Variants in DENND4C observed in about 807,000 individuals in gnomAD.
DENND4C encodes the protein DENN domain containing 4C, also known as DENN domain-containing protein 4C.
In DENND4C, 108 loss-of-function variants were observed where a neutral mutation model predicts 203.0. That is an observed-to-expected ratio of 0.53 (90% CI 0.46 to 0.62). The LOEUF is 0.62. Among genes scored for constraint, DENND4C ranks in the 20% least tolerant of loss-of-function variants. DENND4C has a pLI of 0.00. For synonymous variants in DENND4C, 871 were observed against 792.4 expected (o/e 1.10, Z -1.67); for missense variants, 2,481 against 2,301.2 (o/e 1.08, Z -1.60).
chr9:19,230,920 A>G (rs1820357362), intron 1 of DENND4C, 87 bp downstream of exon 1: 1 of 152,256 alleles, frequency 6.6e-6, no homozygotes, highest in African/African-American at 2.4e-5. Context: ...AGGGCGCGGG[A>G]CAGGTAGAGC....
chr9:19,365,638 A>G (rs1480164909), intron 30 of DENND4C, among the ~76,000 whole-genome samples: 2 of 150,252 alleles, frequency 1.3e-5, no homozygotes, highest in Non-Finnish European at 3.0e-5. Flanking sequence ...TTTTTTCTAT[A>G]TATATAATAT....
At chr9:19,243,832 G>T (rs1022944854) in intron 1 of DENND4C, among the ~76,000 whole-genome samples, 1 of 152,090 alleles carries the variant, frequency 6.6e-6, no homozygotes, top group Non-Finnish European at 1.5e-5. Context: ...TTGTTTTTGA[G>T]ACGAAGTCTA....
intron 7 of DENND4C, among the ~76,000 whole-genome samples, chr9:19,298,550 G>A (rs557443266): frequency 6.6e-6 from 1 of 152,204 alleles, no homozygotes; most frequent in East Asian, 1.9e-4. Context: ...AGTAGCAGAC[G>A]TAGGTAGGTG....
chr9:19,299,190 A>T, intron 7 of DENND4C, 39 bp from the exon 8 acceptor site: 1 of 1,476,804 alleles, frequency 6.8e-7, no homozygotes, highest in East Asian at 2.4e-5. Flanking sequence ...GGTTTGGTTA[A>T]TTTATCTTTG....
intron 1 of DENND4C, among the ~76,000 whole-genome samples, chr9:19,236,232 T>G (rs1234142183): frequency 6.6e-6 from 1 of 152,116 alleles, no homozygotes; most frequent in Admixed American, 6.6e-5. Context: ...GTCTAATAGG[T>G]TAAACAGCCC....
Position 19,372,108 on chromosome 9 carries a change from A to G in DENND4C, c.5812A>G (p.Ile1938Val). 3 of 1,614,104 alleles carry G rather than the reference A, an allele frequency of 1.9e-6. No individual in the cohort carries two copies. The highest frequency in any genetic ancestry group is 1.1e-5 in the South Asian group (1 of 91,082). Residue 1938 changes from isoleucine to valine, a missense_variant, in exon 33 of 33, where the codon ATT becomes GTT. By Grantham distance (29) the Ile-to-Val change is conservative. Around this residue, in one of 3 missense-constraint regions of DENND4C, gnomAD observed 2,289 missense variants for 2,113.3 expected, o/e 1.08. Transcript: ENST00000434457. ...AGAGATTCTTGAAAGGTTGCAGAAAATTGATGCTCCACCAAGTGCCAGTGT... is the reference window on the plus strand; with the variant it reads ...AGAGATTCTTGAAAGGTTGCAGAAAGTTGATGCTCCACCAAGTGCCAGTGT... ...SSEILERLQK[I>V]DAPPSASVEW...
intron 1 of DENND4C, among the ~76,000 whole-genome samples, chr9:19,233,283 C>T (rs1821039675): frequency 6.6e-6 from 1 of 152,024 alleles, no homozygotes; most frequent in Admixed American, 6.6e-5. Flanking sequence ...ATACTGGTGC[C>T]ATAGATTGTC....
At chr9:19,370,066 C>G (rs755391716) in intron 31 of DENND4C, 79 bp downstream of exon 31, 3 of 1,523,024 alleles carry the variant, frequency 2.0e-6, no homozygotes, top group Admixed American at 3.4e-5. Flanking sequence ...TTAAAAATAT[C>G]TCTAGTTGTC....
chr9:19,288,091 T>C (rs936186890), intron 3 of DENND4C, among the ~76,000 whole-genome samples: 1 of 152,244 alleles, frequency 6.6e-6, no homozygotes, highest in African/African-American at 2.4e-5. Flanking sequence ...CATAAATGTT[T>C]GATTCATAGT....
At chr9:19,294,367 G>A (rs1836988404) in intron 5 of DENND4C, among the ~76,000 whole-genome samples, 1 of 152,116 alleles carries the variant, frequency 6.6e-6, no homozygotes, top group Admixed American at 6.5e-5. Flanking sequence ...TGAAGACAGA[G>A]GAGTGTCAGC....
intron 21 of DENND4C, 23 bp from the exon 22 acceptor site, chr9:19,342,610 A>G (rs748900668): frequency 1.3e-6 from 2 of 1,573,406 alleles, no homozygotes; most frequent in Admixed American, 2.0e-5. Context: ...TAGGAATGAT[A>G]ACATCCAAAT....
intron 13 of DENND4C, 86 bp downstream of exon 13, chr9:19,324,593 AT>A: frequency 7.2e-7 from 1 of 1,387,822 alleles, no homozygotes; most frequent in Non-Finnish European, 9.9e-7. Context: ...GTCTAGAGTG[AT>A]ATAAGGAAAA....
At chr9:19,336,205 A>T in intron 18 of DENND4C, 65 bp from the exon 19 acceptor site, 2 of 1,434,462 alleles carry the variant, frequency 1.4e-6, no homozygotes, top group Non-Finnish European at 1.9e-6. Flanking sequence ...ACACACATAT[A>T]TGTATGTATT....
intron 17 of DENND4C, among the ~76,000 whole-genome samples, 193 bp downstream of exon 17, chr9:19,332,377 GAC>G (rs1301238867): frequency 6.6e-6 from 1 of 151,888 alleles, no homozygotes; most frequent in Admixed American, 6.6e-5. Context: ...TTGTTTTTGT[GAC>G]AGAGTCTCAC....
intron 1 of DENND4C, among the ~76,000 whole-genome samples, 172 bp downstream of exon 1, chr9:19,231,005 C>A (rs1216799670): frequency 1.3e-5 from 2 of 152,218 alleles, no homozygotes; most frequent in Non-Finnish European, 2.9e-5. Flanking sequence ...GGCTGGCGTT[C>A]GTGGCCTAGT....
intron 30 of DENND4C, among the ~76,000 whole-genome samples, chr9:19,364,749 G>C (rs185311914): frequency 2.0e-4 from 30 of 152,306 alleles, no homozygotes; most frequent in Non-Finnish European, 3.2e-4. Context: ...AAAAAAATTT[G>C]CCAGGTGTGG....
intron 1 of DENND4C, among the ~76,000 whole-genome samples, chr9:19,249,769 TG>T (rs1180024398): frequency 6.6e-6 from 1 of 152,160 alleles, no homozygotes; most frequent in African/African-American, 2.4e-5. Flanking sequence ...ACAATCCTCT[TG>T]CCTCAGCCTC....
At chr9:19,264,761 T>G (rs1423953346) in intron 1 of DENND4C, among the ~76,000 whole-genome samples, 1 of 152,156 alleles carries the variant, frequency 6.6e-6, no homozygotes, top group Non-Finnish European at 1.5e-5. Context: ...TTTTTTTCCT[T>G]TCATCTTTTG....
chr9:19,339,444 C>T (rs1427001625), intron 20 of DENND4C, among the ~76,000 whole-genome samples: 1 of 152,088 alleles, frequency 6.6e-6, no homozygotes, highest in Admixed American at 6.6e-5. Flanking sequence ...TGTTTCTTAA[C>T]TTAGGTTTGT....
Sources: allele counts gnomAD v4.1 joint callset (sites outside exome capture counted in the v4.1 genomes callset), GRCh38; gene constraint gnomAD v4.1.1; regional missense constraint gnomAD v4.1.1; transcripts MANE v1.5; gene names NCBI Gene and HGNC (gene_info 2026-07-23, HGNC 2026-07-21).